PRPF8: variants seen among roughly 807,000 people sequenced by gnomAD.
PRPF8 encodes the protein pre-mRNA processing factor 8.
PRPF8 carries 64 observed loss-of-function variants against 285.9 expected under a neutral mutation model. That is an observed-to-expected ratio of 0.22 (90% CI 0.18 to 0.28). PRPF8 has a LOEUF of 0.28. Among genes scored for constraint, PRPF8 ranks in the 10% least tolerant of loss-of-function variants. The pLI is 1.00. For synonymous variants in PRPF8, 1,325 were observed against 1,118.2 expected (o/e 1.18, Z -3.69); for missense variants, 1,426 against 3,026.7 (o/e 0.47, Z 12.41).
At chr17:1,671,186 A>G (rs1912295312) in intron 24 of PRPF8, among the ~76,000 whole-genome samples, 1 of 152,138 alleles carries the variant, frequency 6.6e-6, no homozygotes. Flanking sequence ...CTGTCTCATC[A>G]CATGCTACTT....
Position 1,673,250 on chromosome 17 carries a change from AGCCAACTGT to A in PRPF8, c.3658-62_3658-54del. 1 of 1,604,922 alleles carries A rather than the reference AGCCAACTGT, an allele frequency of 6.2e-7. No homozygotes were observed. The highest frequency in any genetic ancestry group is 2.2e-5 in the East Asian group (1 of 44,834). ...TCCGAGGAACTCCCACAGAAGCAAG[AGCCAACTGT>A]GCCCACCACTCAAGTCTTTCCACCC... On this transcript the variant is annotated intron_variant, in intron 23 of 42. Coordinates refer to ENST00000304992, the MANE Select transcript of PRPF8 (RefSeq NM_006445.4). The surrounding 1 kb of genome is among the most constrained non-coding windows in gnomAD (Gnocchi z 5.5).
In PRPF8 at chr17:1,673,320, C is replaced by T. The variant is rs781260244; in HGVS notation, c.3657+37G>A. 16 of 1,610,950 alleles carry T rather than the reference C, an allele frequency of 9.9e-6. No homozygotes were observed. In the South Asian group the frequency reaches 1.1e-4, roughly 11 times the overall value. ...CGGTGACTGACCCAGGAAGTGCAGG[C>T]GCGTTCATGTCACTCCCAGCCCCGC... On this transcript the variant is annotated intron_variant, in intron 23 of 42. Transcript: ENST00000304992. This position sits in a 1 kb window ranked among gnomAD's most constrained non-coding sequence, Gnocchi z 5.5.
intron 8 of PRPF8, among the ~76,000 whole-genome samples, chr17:1,680,085 C>G (rs1395451375): frequency 6.6e-6 from 1 of 152,152 alleles, no homozygotes; most frequent in Non-Finnish European, 1.5e-5. Flanking sequence ...GCAATCATCT[C>G]CCACCCAAGC....
At chr17:1,684,392 G>A (rs1482848330) in intron 2 of PRPF8, 80 bp downstream of exon 2, 4 of 1,423,406 alleles carry the variant, frequency 2.8e-6, no homozygotes, top group East Asian at 2.3e-5. Flanking sequence ...CTGCCCAAAC[G>A]GGGAGGGTCC....
intron 39 of PRPF8, chr17:1,652,202 G>C: frequency 3.1e-6 from 1 of 320,636 alleles, no homozygotes; most frequent in East Asian, 8.0e-5. Context: ...ACCCACACAG[G>C]ATATTAACAA....
At position 1,651,067 on chromosome 17, in the gene PRPF8, C is replaced by G. The variant is rs772209400; in HGVS notation, c.6853+41G>C. ...GCAAAGGGCGATGGCCTCACCTTAT[C>G]CCTACTGCTATCCCCACATCCCCAG... On this transcript the variant is annotated intron_variant, in intron 42 of 42. Coordinates refer to ENST00000304992, the MANE Select transcript of PRPF8 (RefSeq NM_006445.4). The surrounding 1 kb of genome is among the most constrained non-coding windows in gnomAD (Gnocchi z 5.1). 6.2e-7 allele frequency: 1 copy of G among 1,613,866 alleles called. No individual in the cohort carries two copies. The highest frequency in any genetic ancestry group is 8.5e-7 in the Non-Finnish European group (1 of 1,179,748).
chr17:1,661,246 G>C lies in PRPF8; in HGVS notation c.4338+25C>G. 1 of 1,614,096 alleles carries C rather than the reference G, an allele frequency of 6.2e-7. No individual in the cohort carries two copies. Among genetic ancestry groups the C allele is most frequent in the Non-Finnish European group, 8.5e-7 (1 of 1,180,022 alleles). ...GATAGCCATGGATTTTCCTGACTCA[G>C]GGAAAATCTGCTCCCTCTACATACC... On this transcript the variant is annotated intron_variant, in intron 27 of 42. Transcript: ENST00000304992. This position sits in a 1 kb window ranked among gnomAD's most constrained non-coding sequence, Gnocchi z 7.3.
intron 24 of PRPF8, among the ~76,000 whole-genome samples, chr17:1,671,589 C>G (rs1371002323): frequency 6.6e-6 from 1 of 152,098 alleles, no homozygotes; most frequent in South Asian, 2.1e-4. Context: ...TGGTGGCTCA[C>G]GCCTGTAATC....
rs929850783 is a variant in PRPF8, at chr17:1,651,410, C to T, written c.6650+4G>A. 11 of 1,613,994 alleles carry T rather than the reference C, an allele frequency of 6.8e-6. No individual in the cohort carries two copies. Among genetic ancestry groups the T allele is most frequent in the African/African-American group, 6.7e-5 (5 of 74,890 alleles). ...ATACTTCCTCCCAAGGAGCCCAGGC[C>T]CACCTGCATGTGATGATAATGGTCT... On this transcript the variant is annotated splice_donor_region_variant and intron_variant, in intron 41 of 42. Coordinates refer to ENST00000304992, the MANE Select transcript of PRPF8 (RefSeq NM_006445.4). This position sits in a 1 kb window ranked among gnomAD's most constrained non-coding sequence, Gnocchi z 5.1.
rs774521490 is a variant in PRPF8 at position 1,658,488 on chromosome 17, A to T, written c.5376+38T>A. ...GCCCATTACTCTCCCACAGCCATGT[A>T]CAGAGTCCCGCACCTATACACTGCT... On this transcript the variant is annotated intron_variant, in intron 33 of 42. Transcript: ENST00000304992. The surrounding 1 kb of genome is among the most constrained non-coding windows in gnomAD (Gnocchi z 4.1). 4 of 1,612,850 alleles carry T rather than the reference A, an allele frequency of 2.5e-6. No homozygotes were observed. In the South Asian group the frequency reaches 4.4e-5, roughly 18 times the overall value.
chr17:1,664,004 G>T (rs1911818195), intron 24 of PRPF8, among the ~76,000 whole-genome samples: 2 of 152,136 alleles, frequency 1.3e-5, no homozygotes, highest in Admixed American at 6.6e-5. Flanking sequence ...TGATGGACCT[G>T]AAAGACAATA....
At chr17:1,654,132 TC>T in intron 37 of PRPF8, 116 bp from the exon 38 acceptor site, 1 of 1,467,376 alleles carries the variant, frequency 6.8e-7, no homozygotes, top group African/African-American at 1.4e-5. Context: ...CCCCAGACAA[TC>T]CACAAGAGCT....
chr17:1,658,999 A>G lies in PRPF8; in HGVS notation c.5139-236T>C. 2 of 622,856 alleles carry G rather than the reference A, an allele frequency of 3.2e-6. No homozygotes were observed. Among genetic ancestry groups the G allele is most frequent in the South Asian group, 3.7e-5 (2 of 53,700 alleles). The allele number at this position is 622,856 out of a possible 1,614,324, so 38.6% of individuals were successfully genotyped here. A position where few individuals can be genotyped will look rare whatever the true frequency, so the allele number is the denominator to read the frequency against. On this transcript the variant is annotated intron_variant, in intron 32 of 42. Coordinates refer to ENST00000304992, the MANE Select transcript of PRPF8 (RefSeq NM_006445.4). This position sits in a 1 kb window ranked among gnomAD's most constrained non-coding sequence, Gnocchi z 4.1. ...CGTTAAAGTATGGAGCTAATGGAAA[A>G]TACACGGATTATTTATTTATTTATT...
At position 1,659,715 on chromosome 17, in the gene PRPF8, C is replaced by T; in HGVS notation, c.4946+126G>A. 7.2e-7 allele frequency: 1 copy of T among 1,389,560 alleles called. No homozygotes were observed. The highest frequency in any genetic ancestry group is 1.0e-6 in the Non-Finnish European group (1 of 1,003,854). The allele number at this position is 1,389,560 out of a possible 1,614,324, so 86.1% of individuals were successfully genotyped here. A position where few individuals can be genotyped will look rare whatever the true frequency, so the allele number is the denominator to read the frequency against. On this transcript the variant is annotated intron_variant, in intron 31 of 42. Transcript: ENST00000304992. This position sits in a 1 kb window ranked among gnomAD's most constrained non-coding sequence, Gnocchi z 5.1. Reference sequence around the variant, plus strand: ...ATCTGACTAAGGGTGTTGACAGGCTCCAAGCGTAGCACTGGCTCCAAGTTT... The same window carrying T: ...ATCTGACTAAGGGTGTTGACAGGCTTCAAGCGTAGCACTGGCTCCAAGTTT...
At chr17:1,683,418 T>C (rs188381173) in intron 3 of PRPF8, 115 bp downstream of exon 3, 26 of 1,200,608 alleles carry the variant, frequency 2.2e-5, no homozygotes, top group Non-Finnish European at 2.7e-5. Context: ...ACTGGTTTTC[T>C]CCTTTCTCTT....
At chr17:1,657,848 G>A (rs1597229732) in intron 34 of PRPF8, among the ~76,000 whole-genome samples, 1 of 150,804 alleles carries the variant, frequency 6.6e-6, no homozygotes, top group Non-Finnish European at 1.5e-5. Context: ...GCGGGCGCCT[G>A]TAGTCCCAGC....
In PRPF8 at chr17:1,673,841, G is replaced by A. The variant is rs758889307; in HGVS notation, c.3351C>T (p.His1117=). 4.3e-6 allele frequency: 7 copies of A among 1,613,858 alleles called. No individual in the cohort carries two copies. The highest frequency in any genetic ancestry group is 3.3e-5 in the South Asian group (3 of 91,074). The change falls in exon 22 of 43, where the codon CAC becomes CAT. Residue 1117 remains histidine (H), a synonymous_variant. Coordinates refer to ENST00000304992, the MANE Select transcript of PRPF8 (RefSeq NM_006445.4). The surrounding 1 kb of genome is among the most constrained non-coding windows in gnomAD (Gnocchi z 5.5). ...RDLIQRYLTE[H]PDPNNENIVG... ...CGATGTTTTCATTATTGGGGTCAGG[G>A]TGCTCTGTCAGGTAACGTTGAATCA...
chr17:1,681,781 G>A, intron 5 of PRPF8, 39 bp downstream of exon 5: 1 of 1,612,236 alleles, frequency 6.2e-7, no homozygotes, highest in Non-Finnish European at 8.5e-7. Context: ...TGCATTTCCA[G>A]AACTCCTCCC....
intron 37 of PRPF8, chr17:1,655,056 C>T: frequency 2.6e-6 from 1 of 382,842 alleles, no homozygotes; most frequent in Non-Finnish European, 5.0e-6. Flanking sequence ...CCCCCAGGTT[C>T]AAGCAATTCT....
Sources: allele counts gnomAD v4.1 joint callset (sites outside exome capture counted in the v4.1 genomes callset), GRCh38; gene constraint gnomAD v4.1.1; non-coding constraint Gnocchi (gnomAD v3.1); transcripts MANE v1.5; gene names NCBI Gene and HGNC (gene_info 2026-07-23, HGNC 2026-07-21).